The following EXOC2 variants were observed in gnomAD, a reference collection of about 807,000 sequenced individuals.
EXOC2 encodes SEC5-like 1.
EXOC2 carries 70 observed loss-of-function variants against 131.8 expected under a neutral mutation model. The ratio of observed to expected loss-of-function variants is 0.53; its 90% CI spans 0.44 to 0.65. The LOEUF is 0.65. Ranked by LOEUF, EXOC2 falls within the 30% of genes least tolerant of loss-of-function variation. The pLI is 0.00. For missense variants in EXOC2, 923 were observed against 1,108.6 expected (o/e 0.83, Z 2.38); for synonymous variants, 411 against 398.4 (o/e 1.03, Z -0.38).
At chr6:605,555 T>C (rs993817528) in intron 7 of EXOC2, among the ~76,000 whole-genome samples, 32 of 152,232 alleles carry the variant, frequency 2.1e-4, no homozygotes, top group African/African-American at 7.5e-4. Context: ...GATATCCCCT[T>C]TATCATTTTT....
intron 1 of EXOC2, chr6:656,634 A>G (rs1285483277): frequency 5.6e-6 from 9 of 1,606,202 alleles, no homozygotes; most frequent in Non-Finnish European, 7.7e-6. Context: ...CTTGTGGGTC[A>G]GCTGCAGCTT....
intron 26 of EXOC2, among the ~76,000 whole-genome samples, chr6:489,484 G>A (rs17134028): frequency 0.039 from 5,927 of 152,336 alleles, 156 homozygotes; most frequent in Middle Eastern, 0.14. Flanking sequence ...TACAGCCAAT[G>A]TCTTGTAATA....
chr6:572,369 G>A, intron 13 of EXOC2, 151 bp downstream of exon 13: 1 of 946,938 alleles, frequency 1.1e-6, no homozygotes, highest in East Asian at 2.7e-5. Context: ...CTAAGTGAGA[G>A]GGCTTTATAA....
intron 23 of EXOC2, among the ~76,000 whole-genome samples, chr6:522,965 G>A (rs186490888): frequency 7.2e-5 from 11 of 152,310 alleles, no homozygotes; most frequent in Admixed American, 4.6e-4. Context: ...AAGGCCAGGC[G>A]CCATGAAATG....
chr6:501,100 A>ATATATATATTATATTATATATATC (rs1764026196), intron 23 of EXOC2, among the ~76,000 whole-genome samples: 4 of 90,952 alleles, frequency 4.4e-5, no homozygotes, highest in Admixed American at 3.1e-4. Flanking sequence ...TCCTCAAAAG[A>ATATATATATTATATTATATATATC]TATATATATT....
intron 7 of EXOC2, among the ~76,000 whole-genome samples, chr6:608,994 A>G (rs1223759566): frequency 6.6e-6 from 1 of 152,230 alleles, no homozygotes; most frequent in Non-Finnish European, 1.5e-5. Context: ...TTGGTTCTCA[A>G]AGATAAAAAC....
chr6:576,771 G>T lies in EXOC2; in HGVS notation c.1304C>A (p.Ser435Tyr), dbSNP rs1326944275. Residue 435 changes from serine (S) to tyrosine (Y), a missense_variant, in exon 12 of 28, where the codon TCT (serine) becomes TAT (tyrosine). Physicochemically the swap from Ser to Tyr is moderately radical, Grantham distance 144. Coordinates refer to ENST00000230449, the MANE Select transcript of EXOC2 (RefSeq NM_018303.6). ...GAGATACTTACTGTCGTCTCGACCA[G>T]ACTGAAAGCTGCTGCCCCTCTTCAG... ...ASLKRGSSFQ[S>Y]GRDDTWRYKT... 1 of 1,614,042 alleles carries T rather than the reference G, an allele frequency of 6.2e-7. No individual in the cohort carries two copies. The highest frequency in any genetic ancestry group is 8.5e-7 in the Non-Finnish European group (1 of 1,179,958).
intron 23 of EXOC2, among the ~76,000 whole-genome samples, chr6:512,198 C>T (rs1246733427): frequency 6.6e-6 from 1 of 152,230 alleles, no homozygotes; most frequent in South Asian, 2.1e-4. Context: ...GGAAGGCCCA[C>T]AGTACTTTGC....
At chr6:630,319 CA>C (rs1171573337) in intron 3 of EXOC2, among the ~76,000 whole-genome samples, 2 of 152,192 alleles carry the variant, frequency 1.3e-5, no homozygotes, top group East Asian at 1.9e-4. Flanking sequence ...TAAATCTGCA[CA>C]AAAAATTCAG....
intron 7 of EXOC2, among the ~76,000 whole-genome samples, chr6:609,550 A>T (rs1201037836): frequency 1.3e-5 from 2 of 152,242 alleles, no homozygotes; most frequent in Non-Finnish European, 2.9e-5. Context: ...GACAGAACTC[A>T]AAACTTTGCA....
In EXOC2 at chr6:523,401, C is replaced by CTGCTATT. The variant is rs202074125; in HGVS notation, c.2380+9061_2380+9067dup. ...ATGCTTTAAACCTGGAAATCAGAAA[C>CTGCTATT]TGCTATTTGAACAACTTGGAAAACT... On this transcript the variant is annotated intron_variant, in intron 23 of 27. Transcript: ENST00000230449. Among the ~76,000 whole-genome samples, 1,288 of 152,334 alleles carry CTGCTATT rather than the reference C, an allele frequency of 8.5e-3. 17 individuals are homozygous for CTGCTATT. The highest frequency in any genetic ancestry group is 0.03 in the African/African-American group (1,229 of 41,552).
intron 10 of EXOC2, among the ~76,000 whole-genome samples, chr6:597,428 G>A (rs1759881317): frequency 6.6e-6 from 1 of 152,162 alleles, no homozygotes; most frequent in Admixed American, 6.5e-5. Context: ...GCCCGCCTCA[G>A]CCTCCCAAAG....
chr6:524,328 G>A (rs888274823), intron 23 of EXOC2: 8 of 151,884 alleles, frequency 5.3e-5, no homozygotes, highest in Admixed American at 3.9e-4. Context: ...AAACCTGCAC[G>A]CTCTGCACAT....
intron 1 of EXOC2, among the ~76,000 whole-genome samples, chr6:681,705 G>C (rs990042448): frequency 2.6e-5 from 4 of 152,144 alleles, no homozygotes; most frequent in Admixed American, 6.5e-5. Context: ...TAACTTTTCA[G>C]TTCTAATGAA....
At chr6:596,944 G>C (rs1356569697) in intron 10 of EXOC2, among the ~76,000 whole-genome samples, 2 of 152,044 alleles carry the variant, frequency 1.3e-5, no homozygotes, top group South Asian at 2.1e-4. Flanking sequence ...AAAATTTACT[G>C]ACTACTTTTT....
chr6:491,330 G>C (rs1202689183), intron 25 of EXOC2, 144 bp from the exon 26 acceptor site: 3 of 740,298 alleles, frequency 4.1e-6, no homozygotes, highest in African/African-American at 1.8e-5. Context: ...GTCATGAGTA[G>C]AGTTTCTAAA....
intron 5 of EXOC2, among the ~76,000 whole-genome samples, chr6:618,058 C>T (rs985417721): frequency 2.6e-5 from 4 of 152,156 alleles, no homozygotes; most frequent in African/African-American, 7.2e-5. Context: ...ACAAGACTTT[C>T]GGAGCCCTCG....
chr6:522,734 T>A (rs748272204), intron 23 of EXOC2, among the ~76,000 whole-genome samples: 3 of 152,136 alleles, frequency 2.0e-5, no homozygotes, highest in Non-Finnish European at 4.4e-5. Context: ...TGCAGCAAGG[T>A]GTCTCCAGGC....
chr6:684,794 A>G (rs1286427273), intron 1 of EXOC2, among the ~76,000 whole-genome samples: 3 of 152,236 alleles, frequency 2.0e-5, no homozygotes, highest in Non-Finnish European at 4.4e-5. Flanking sequence ...GTAATAATAT[A>G]AAGAAAAAAA....
Sources: allele counts gnomAD v4.1 joint callset (sites outside exome capture counted in the v4.1 genomes callset), GRCh38; gene constraint gnomAD v4.1.1; transcripts MANE v1.5; gene names NCBI Gene and HGNC (gene_info 2026-07-23, HGNC 2026-07-21).